NF2: variants seen among roughly 807,000 people sequenced by gnomAD.
The protein encoded by NF2 is NF2, moesin-ezrin-radixin like (MERLIN) tumor suppressor.
A neutral mutation model predicts 83.7 loss-of-function variants in NF2; 8 were observed. The observed-to-expected ratio is 0.10, with a 90% CI of 0.06 to 0.17. The LOEUF is 0.17. Among genes scored for constraint, NF2 ranks in the 10% least tolerant of loss-of-function variants. The pLI is 1.00. For missense variants in NF2, 533 were observed against 744.4 expected (o/e 0.72, Z 3.31); for synonymous variants, 266 against 269.6 (o/e 0.99, Z 0.13).
In NF2 at chr22:29,603,933, A is replaced by AG; in HGVS notation, c.-60dup. The AG allele has an allele frequency of 7.7e-7, 1 of 1,297,946 alleles. No homozygotes were observed. The highest frequency in any genetic ancestry group is 1.1e-6 in the Non-Finnish European group (1 of 925,570). 80.4% of individuals were successfully genotyped at this position (1,297,946 alleles called of 1,614,324 possible). On this transcript the variant is annotated 5_prime_UTR_variant, in exon 1 of 16. The change abolishes the stop of an existing upstream ORF in the 5' untranslated region. Transcript: ENST00000338641. Reference sequence around the variant, plus strand: ...GCCCTGAGGCCTGTGCAGCAACTCCAGGGGGGCTAAAGGGCTCAGAGTGCA... The same window carrying AG: ...GCCCTGAGGCCTGTGCAGCAACTCCAGGGGGGGCTAAAGGGCTCAGAGTGCA...
chr22:29,677,403 C>G (rs1373536294), intron 13 of NF2, among the ~76,000 whole-genome samples: 2 of 151,514 alleles, frequency 1.3e-5, no homozygotes, highest in African/African-American at 4.9e-5. Context: ...GGATAATAAA[C>G]AATACTGTCT....
chr22:29,625,067 A>G (rs1299311106), intron 1 of NF2, among the ~76,000 whole-genome samples: 7 of 151,588 alleles, frequency 4.6e-5, no homozygotes, highest in Non-Finnish European at 8.8e-5. Context: ...GCCTTCCGAG[A>G]AGCTGGGACT....
rs1601583740 is a variant in NF2 at position 29,639,175 on chromosome 22, T to C, written c.326T>C (p.Leu109Pro). 1 of 1,614,176 alleles carries C rather than the reference T, an allele frequency of 6.2e-7. No individual in the cohort carries two copies. Among genetic ancestry groups the C allele is most frequent in the South Asian group, 1.1e-5 (1 of 91,086 alleles). Residue 109 changes from leucine (L) to proline (P), a missense_variant, in exon 3 of 16, where the codon CTG becomes CCG. By Grantham distance (98) the Leu-to-Pro change is moderately conservative. Around this residue, in one of 3 missense-constraint regions of NF2, gnomAD observed 326 missense variants for 475.1 expected, o/e 0.69. Coordinates refer to ENST00000338641, the MANE Select transcript of NF2 (RefSeq NM_000268.4). ...TATCCTGAGAATGCTGAAGAGGAGC[T>C]GGTTCAGGAGATCACACAACATTTA... ...KFYPENAEEE[L>P]VQEITQHLFF...
chr22:29,629,016 T>TCCCCACTCCCCTCTTTTTG (rs2065442547), intron 1 of NF2, among the ~76,000 whole-genome samples: 1 of 152,060 alleles, frequency 6.6e-6, no homozygotes, highest in Non-Finnish European at 1.5e-5. Context: ...TCTCTCTCTC[T>TCCCCACTCCCCTCTTTTTG]CCCCACTCCC....
intron 2 of NF2, among the ~76,000 whole-genome samples, chr22:29,638,480 A>C (rs1020232865): frequency 6.6e-6 from 1 of 151,800 alleles, no homozygotes; most frequent in African/African-American, 2.4e-5. Flanking sequence ...CCTCCCGAGT[A>C]GCTGGAATTA....
intron 15 of NF2, 123 bp downstream of exon 15, chr22:29,681,724 G>A: frequency 8.2e-7 from 1 of 1,219,854 alleles, no homozygotes; most frequent in Non-Finnish European, 1.2e-6. Flanking sequence ...TATGTACTTA[G>A]TTGAGGAAAT....
At position 29,657,871 on chromosome 22, in the gene NF2, A is replaced by G. The variant is rs117753926; in HGVS notation, c.600-318A>G. Among the ~76,000 whole-genome samples, 71 of 152,324 alleles carry G rather than the reference A, an allele frequency of 4.7e-4. 1 individual carries two copies. In the East Asian group the frequency reaches 0.01, roughly 22 times the overall value. Reference sequence around the variant, plus strand: ...TCTGTTTGAGGGTAGAAGATAACATACCACACACTCTTGTTGAATTACTTG... The same window carrying G: ...TCTGTTTGAGGGTAGAAGATAACATGCCACACACTCTTGTTGAATTACTTG... On this transcript the variant is annotated intron_variant, in intron 6 of 15. Transcript: ENST00000338641.
At chr22:29,649,790 A>G (rs1601603973) in intron 4 of NF2, among the ~76,000 whole-genome samples, 1 of 152,002 alleles carries the variant, frequency 6.6e-6, no homozygotes, top group East Asian at 1.9e-4. Context: ...AAAAAAAAAA[A>G]AGAAAAAATG....
chr22:29,632,322 G>A (rs2065536210), intron 1 of NF2, among the ~76,000 whole-genome samples: 1 of 151,912 alleles, frequency 6.6e-6, no homozygotes, highest in African/African-American at 2.4e-5. Flanking sequence ...ATACTTACCT[G>A]CTTGCTCCTC....
chr22:29,664,503 G>A (rs2066563370), intron 8 of NF2, among the ~76,000 whole-genome samples: 1 of 152,072 alleles, frequency 6.6e-6, no homozygotes, highest in Non-Finnish European at 1.5e-5. Flanking sequence ...GTTCTTCTAA[G>A]ATCAGCTTCA....
chr22:29,673,235 A>G, intron 11 of NF2, 34 bp from the exon 12 acceptor site: 1 of 1,550,418 alleles, frequency 6.4e-7, no homozygotes, highest in Non-Finnish European at 8.7e-7. Flanking sequence ...ACAGCACATG[A>G]TCCCACTTCA....
At chr22:29,678,456 C>T in intron 14 of NF2, 133 bp downstream of exon 14, 2 of 1,014,050 alleles carry the variant, frequency 2.0e-6, no homozygotes, top group Non-Finnish European at 1.5e-6. Flanking sequence ...TTGCTCTGCT[C>T]TTACACCCTG....
rs746450330 is a variant in NF2, at chr22:29,642,320, G to A, written c.447+35G>A. 6 of 1,568,820 alleles carry A rather than the reference G, an allele frequency of 3.8e-6. No individual in the cohort carries two copies. In the East Asian group the frequency reaches 1.1e-4, roughly 29 times the overall value. On this transcript the variant is annotated intron_variant, in intron 4 of 15. Transcript: ENST00000338641. ...AAGAAGAAAAATGTATTTTTCCTGG[G>A]CGTTAATTTGGGTCATGGGATCACT...
At chr22:29,609,024 T>C (rs994062179) in intron 1 of NF2, 3 of 700,032 alleles carry the variant, frequency 4.3e-6, no homozygotes, top group East Asian at 2.5e-5. Flanking sequence ...TGGATGAACA[T>C]GCATGTGATG....
rs574931542 is a variant in NF2, at chr22:29,683,589, G to A, written c.1737+1988G>A. Reference sequence around the variant, plus strand: ...TTTTCCTTTAGAGCTTTCCCTTTCTGCACACATCCCTTTTCTTTTCAAATA... The same window carrying A: ...TTTTCCTTTAGAGCTTTCCCTTTCTACACACATCCCTTTTCTTTTCAAATA... On this transcript the variant is annotated intron_variant, in intron 15 of 15. Coordinates refer to ENST00000338641, the MANE Select transcript of NF2 (RefSeq NM_000268.4). The A allele has an allele frequency of 1.2e-5, 13 of 1,098,670 alleles. No individual in the cohort carries two copies. The African/African-American group carries it at 1.9e-4, about 16-fold the overall frequency. 68.1% of individuals were successfully genotyped at this position (1,098,670 alleles called of 1,614,324 possible).
At chr22:29,673,161 G>T in intron 11 of NF2, 108 bp from the exon 12 acceptor site, 1 of 1,210,174 alleles carries the variant, frequency 8.3e-7, no homozygotes, top group Non-Finnish European at 1.2e-6. Context: ...CAGCAGCAGG[G>T]CCCCAGGAGT....
intron 15 of NF2, among the ~76,000 whole-genome samples, chr22:29,689,960 A>G (rs900327894): frequency 6.6e-6 from 1 of 152,228 alleles, no homozygotes; most frequent in Non-Finnish European, 1.5e-5. Context: ...AAGGGCTTTT[A>G]GAGGAGAGCT....
chr22:29,683,039 G>A (rs1309165314), intron 15 of NF2: 2 of 1,614,076 alleles, frequency 1.2e-6, no homozygotes, highest in African/African-American at 1.3e-5. Context: ...CAAGGCAGAA[G>A]ACCTATCTGC....
intron 13 of NF2, 141 bp from the exon 14 acceptor site, chr22:29,678,055 G>C: frequency 1.0e-6 from 1 of 980,534 alleles, no homozygotes; most frequent in Admixed American, 1.7e-5. Context: ...TGGAGGGATG[G>C]GGACTCGTGG....
Sources: gnomAD v4.1 joint callset for allele counts (sites outside exome capture counted in the v4.1 genomes callset) on GRCh38, gnomAD v4.1.1 for gene constraint, gnomAD v4.1.1 regional missense constraint, MANE v1.5 for transcripts, NCBI Gene and HGNC (gene_info 2026-07-23, HGNC 2026-07-21) for gene names.